Variants in STXBP5L observed in about 807,000 individuals in gnomAD.
The protein encoded by STXBP5L is syntaxin binding protein 5L.
A neutral mutation model predicts 144.5 loss-of-function variants in STXBP5L; 65 were observed. The ratio of observed to expected loss-of-function variants is 0.45; its 90% confidence interval spans 0.37 to 0.55. STXBP5L has a LOEUF of 0.55. Among genes scored for constraint, STXBP5L ranks in the 20% least tolerant of loss-of-function variants. STXBP5L has a pLI of 0.00. For synonymous variants in STXBP5L, 505 were observed against 469.6 expected (o/e 1.08, Z -0.97); for missense variants, 1,298 against 1,405.5 (o/e 0.92, Z 1.22).
intron 5 of STXBP5L, among the ~76,000 whole-genome samples, chr3:121,077,795 A>G (rs1576873158): frequency 6.6e-6 from 1 of 152,160 alleles, no homozygotes; most frequent in Admixed American, 6.5e-5. Context: ...AAGGTTCTCC[A>G]AGTCCCCATC....
intron 9 of STXBP5L, among the ~76,000 whole-genome samples, chr3:121,178,647 G>T (rs767372334): frequency 6.6e-6 from 1 of 152,102 alleles, no homozygotes; most frequent in Non-Finnish European, 1.5e-5. Flanking sequence ...ATCTCCACTG[G>T]GGAATCTGAA....
chr3:121,179,185 G>A (rs2047046022), intron 9 of STXBP5L, among the ~76,000 whole-genome samples: 1 of 151,520 alleles, frequency 6.6e-6, no homozygotes, highest in African/African-American at 2.4e-5. Context: ...ATGAGAGAAC[G>A]AGATAAGCTT....
chr3:121,324,685 G>A (rs1446882060), intron 20 of STXBP5L: 7 of 567,338 alleles, frequency 1.2e-5, no homozygotes, highest in African/African-American at 1.9e-5. Context: ...CTCATTTGTT[G>A]TGGTGGAAAC....
chr3:121,248,802 A>C (rs1178710318), intron 14 of STXBP5L, among the ~76,000 whole-genome samples: 1 of 152,154 alleles, frequency 6.6e-6, no homozygotes, highest in Non-Finnish European at 1.5e-5. Flanking sequence ...TCTTTAATCC[A>C]TTTTGAGTTA....
At chr3:121,347,025 C>A (rs1328771889) in intron 20 of STXBP5L, among the ~76,000 whole-genome samples, 2 of 152,294 alleles carry the variant, frequency 1.3e-5, no homozygotes, top group East Asian at 3.8e-4. Flanking sequence ...GAAGTCCTTG[C>A]CCATGCCTAT....
chr3:121,169,995 T>G (rs981212411), intron 9 of STXBP5L, among the ~76,000 whole-genome samples: 1 of 152,052 alleles, frequency 6.6e-6, no homozygotes, highest in African/African-American at 2.4e-5. Flanking sequence ...TAACAAACAG[T>G]CTCTCAGACC....
chr3:121,260,294 T>C (rs1360689051), intron 18 of STXBP5L, among the ~76,000 whole-genome samples: 1 of 152,136 alleles, frequency 6.6e-6, no homozygotes, highest in Non-Finnish European at 1.5e-5. Flanking sequence ...TTGTGAAAAC[T>C]GTTTGCATAT....
intron 10 of STXBP5L, among the ~76,000 whole-genome samples, chr3:121,211,058 CA>C (rs529656547): frequency 2.2e-4 from 34 of 152,284 alleles, no homozygotes; most frequent in East Asian, 1.9e-4. Context: ...TCTTCCTACC[CA>C]TGTGCATGGA....
At chr3:120,981,310 ATCT>A (rs1177387076) in intron 3 of STXBP5L, among the ~76,000 whole-genome samples, 1 of 152,126 alleles carries the variant, frequency 6.6e-6, no homozygotes, top group Non-Finnish European at 1.5e-5. Context: ...TACTTTTTAC[ATCT>A]TCTTCTGAAA....
chr3:120,971,275 C>T (rs926468803), intron 3 of STXBP5L, among the ~76,000 whole-genome samples: 20 of 152,002 alleles, frequency 1.3e-4, no homozygotes, highest in African/African-American at 4.6e-4. Flanking sequence ...AATTTTGTTA[C>T]ATGGATATAT....
At chr3:120,958,205 C>G (rs147691022) in intron 3 of STXBP5L, among the ~76,000 whole-genome samples, 2,798 of 152,124 alleles carry the variant, frequency 0.018, 91 homozygotes, top group African/African-American at 0.058. Flanking sequence ...AAGACTAAAC[C>G]AGGAAGAAAT....
chr3:121,359,576 T>G (rs184079425), intron 20 of STXBP5L, among the ~76,000 whole-genome samples: 19 of 152,278 alleles, frequency 1.2e-4, no homozygotes, highest in Non-Finnish European at 2.2e-4. Context: ...TTTCATAGTT[T>G]GAGGTCTTAT....
chr3:121,055,858 T>C (rs1393012983), intron 5 of STXBP5L, among the ~76,000 whole-genome samples: 5 of 85,546 alleles, frequency 5.8e-5, no homozygotes, highest in African/African-American at 2.5e-4. Flanking sequence ...CTAATGTTAA[T>C]TTTTTTTTTT....
At chr3:121,005,494 C>G (rs9821483) in intron 3 of STXBP5L, among the ~76,000 whole-genome samples, 3 of 151,898 alleles carry the variant, frequency 2.0e-5, no homozygotes, top group Admixed American at 6.6e-5. Flanking sequence ...GATCTTTTCA[C>G]AAAACCAGCT....
intron 10 of STXBP5L, among the ~76,000 whole-genome samples, chr3:121,212,685 T>C (rs2048623856): frequency 6.6e-6 from 1 of 152,230 alleles, no homozygotes; most frequent in Non-Finnish European, 1.5e-5. Context: ...TAGCATTGTC[T>C]TGGCTATACA....
chr3:121,217,447 C>A (rs529791897), intron 10 of STXBP5L, among the ~76,000 whole-genome samples: 2 of 152,214 alleles, frequency 1.3e-5, no homozygotes, highest in South Asian at 2.1e-4. Flanking sequence ...AGTTCTTCAA[C>A]CCCTTGCACT....
chr3:121,149,191 A>G (rs972183123), intron 7 of STXBP5L, among the ~76,000 whole-genome samples: 1 of 152,094 alleles, frequency 6.6e-6, no homozygotes, highest in Admixed American at 6.6e-5. Context: ...TTACTTCATC[A>G]TAATTCATTA....
rs893753832 is a variant in STXBP5L at position 120,970,729 on chromosome 3, C to A, written c.287+15692C>A. Among the ~76,000 whole-genome samples, 2 of 152,046 alleles carry A rather than the reference C, an allele frequency of 1.3e-5. 1 individual carries two copies. Among genetic ancestry groups the A allele is most frequent in the Non-Finnish European group, 2.9e-5 (2 of 67,986 alleles). On this transcript the variant is annotated intron_variant, in intron 3 of 26. Transcript: ENST00000471454. ...TTCTCTAGATTTTGGAATTTTTAAA[C>A]CATTATTATTATTTTTTTTACATGT... is the stretch of plus-strand genomic sequence containing the variant.
intron 19 of STXBP5L, among the ~76,000 whole-genome samples, chr3:121,303,451 A>C (rs1428611735): frequency 3.3e-5 from 5 of 152,322 alleles, no homozygotes; most frequent in African/African-American, 1.2e-4. Flanking sequence ...TAGTTCAACC[A>C]CTGTGGAAGT....
Sources: allele counts gnomAD v4.1 joint callset (sites outside exome capture counted in the v4.1 genomes callset), GRCh38; gene constraint gnomAD v4.1.1; transcripts MANE v1.5; gene names NCBI Gene and HGNC (gene_info 2026-07-23, HGNC 2026-07-21).